PHACTR1: variants seen among roughly 807,000 people sequenced by gnomAD.
PHACTR1 encodes the protein RPEL repeat containing 1.
A neutral mutation model predicts 69.2 loss-of-function variants in PHACTR1; 16 were observed. The ratio of observed to expected loss-of-function variants is 0.23; its 90% CI spans 0.16 to 0.35. The LOEUF (loss-of-function observed/expected upper bound fraction) is 0.35, where lower values mean the gene tolerates loss of function less well. PHACTR1 is among the 10% of genes least tolerant of loss of function. PHACTR1 has a pLI of 1.00. For synonymous variants in PHACTR1, 312 were observed against 284.5 expected (o/e 1.10, Z -0.97); for missense variants, 510 against 734.7 (o/e 0.69, Z 3.54).
chr6:13,008,677 GCTGCA>G (rs1562127064), intron 4 of PHACTR1, among the ~76,000 whole-genome samples: 1 of 152,110 alleles, frequency 6.6e-6, no homozygotes, highest in Non-Finnish European at 1.5e-5. Context: ...TAGCAGCAGC[GCTGCA>G]CCATTCTGTG....
In PHACTR1 at chr6:12,736,939, G is replaced by A. The variant is rs116477523; in HGVS notation, c.104-12705G>A. Among the ~76,000 whole-genome samples, 246 of 151,784 alleles carry A rather than the reference G, an allele frequency of 1.6e-3. 1 individual carries two copies. The highest frequency in any genetic ancestry group is 5.5e-3 in the African/African-American group (229 of 41,388). On this transcript the variant is annotated intron_variant, in intron 3 of 14. Transcript: ENST00000332995. ...TGTGTGCGTATCTGTGTGTACATAC[G>A]CACATAAAATATATACACACATATA...
chr6:13,092,088 G>A (rs754126842), intron 5 of PHACTR1, among the ~76,000 whole-genome samples: 3 of 152,112 alleles, frequency 2.0e-5, no homozygotes, highest in Non-Finnish European at 4.4e-5. Context: ...ATGAGCCACC[G>A]CACCCAGCTG....
At chr6:12,793,928 G>A (rs1236102811) in intron 4 of PHACTR1, among the ~76,000 whole-genome samples, 1 of 152,134 alleles carries the variant, frequency 6.6e-6, no homozygotes, top group Admixed American at 6.5e-5. Context: ...AATCCAAAAA[G>A]CATTTATTAT....
chr6:13,212,674 C>T (rs1212250115), intron 8 of PHACTR1, among the ~76,000 whole-genome samples: 1 of 152,060 alleles, frequency 6.6e-6, no homozygotes, highest in Non-Finnish European at 1.5e-5. Context: ...TCTGTTGCTC[C>T]CTCCTCCCTC....
In PHACTR1 at chr6:12,850,813, C is replaced by A. The variant is rs566947412; in HGVS notation, c.250+101023C>A. On this transcript the variant is annotated intron_variant, in intron 4 of 14. Coordinates refer to ENST00000332995, the MANE Select transcript of PHACTR1 (RefSeq NM_030948.6). ...TGTGTCTTCACGCCCTCTTCCTGCA[C>A]GTGCCTCTGTGCCTCTTCTTCTCTC... Among the ~76,000 whole-genome samples, 5 of 152,248 alleles carry A rather than the reference C, an allele frequency of 3.3e-5. No individual in the cohort carries two copies. In the East Asian group the frequency reaches 7.7e-4, roughly 24 times the overall value.
intron 8 of PHACTR1, 87 bp from the exon 9 acceptor site, chr6:13,227,726 CTGG>C (rs1770026825): frequency 6.7e-7 from 1 of 1,497,430 alleles, no homozygotes; most frequent in East Asian, 2.3e-5. Context: ...TCTCTTAGGA[CTGG>C]GCAACTGAGT....
intron 4 of PHACTR1, among the ~76,000 whole-genome samples, chr6:12,948,049 G>T (rs141708774): frequency 6.6e-6 from 1 of 152,010 alleles, no homozygotes; most frequent in Non-Finnish European, 1.5e-5. Context: ...TTGTAGTTGC[G>T]CCATGAACCT....
intron 4 of PHACTR1, among the ~76,000 whole-genome samples, chr6:12,924,810 G>A (rs4714988): frequency 0.83 from 125,340 of 151,564 alleles, 55,040 homozygotes; most frequent in Non-Finnish European, 0.97. Context: ...ACTATAGTAA[G>A]TAATCATTTT....
intron 4 of PHACTR1, among the ~76,000 whole-genome samples, chr6:13,012,663 G>C (rs1799573563): frequency 6.6e-6 from 1 of 152,180 alleles, no homozygotes; most frequent in African/African-American, 2.4e-5. Flanking sequence ...AGAATATCTG[G>C]ATTTGGGGCT....
chr6:13,098,436 T>A (rs775902591), intron 5 of PHACTR1, among the ~76,000 whole-genome samples: 6 of 152,166 alleles, frequency 3.9e-5, no homozygotes, highest in Non-Finnish European at 8.8e-5. Flanking sequence ...TGGGACTCCC[T>A]CTTTTGAGGA....
chr6:12,748,702 T>G (rs1193547385), intron 3 of PHACTR1, among the ~76,000 whole-genome samples: 1 of 152,190 alleles, frequency 6.6e-6, no homozygotes, highest in Non-Finnish European at 1.5e-5. Context: ...GTTGCCAGGT[T>G]GTAGAGGCTA....
rs1036866170 is a variant in PHACTR1 at position 13,204,275 on chromosome 6, G to A, written c.665-1540G>A. Among the ~76,000 whole-genome samples the A allele has an allele frequency of 3.9e-5, 6 of 152,212 alleles. No individual in the cohort carries two copies. The East Asian group carries it at 1.2e-3, about 29-fold the overall frequency. ...TGCTCTAGGAATGTCATTTTGGCAGGACTGTAAGTTAGACTGGAGGAAGGC... is the reference window on the plus strand; with the variant it reads ...TGCTCTAGGAATGTCATTTTGGCAGAACTGTAAGTTAGACTGGAGGAAGGC... On this transcript the variant is annotated intron_variant, in intron 7 of 14. Coordinates refer to ENST00000332995, the MANE Select transcript of PHACTR1 (RefSeq NM_030948.6).
At chr6:12,933,194 C>T (rs963194511) in intron 4 of PHACTR1, among the ~76,000 whole-genome samples, 4 of 152,112 alleles carry the variant, frequency 2.6e-5, no homozygotes, top group Non-Finnish European at 5.9e-5. Flanking sequence ...CCCCCTGTCT[C>T]GCCCTCCCAA....
intron 9 of PHACTR1, among the ~76,000 whole-genome samples, chr6:13,229,055 A>G (rs1770319054): frequency 6.6e-6 from 1 of 152,222 alleles, no homozygotes; most frequent in South Asian, 2.1e-4. Context: ...GGAAAGAACC[A>G]CACAGGGCAG....
At chr6:13,003,951 C>A (rs7776310) in intron 4 of PHACTR1, among the ~76,000 whole-genome samples, 6,882 of 90,708 alleles carry the variant, frequency 0.076, 611 homozygotes, top group African/African-American at 0.21. Context: ...AGTAGTATTC[C>A]TATATATATA....
intron 4 of PHACTR1, among the ~76,000 whole-genome samples, chr6:12,854,812 G>A (rs1323959333): frequency 6.6e-6 from 1 of 152,112 alleles, no homozygotes. Context: ...TTGCATCAGA[G>A]AGATGCAAGC....
chr6:12,904,319 G>GTCA (rs1456505357), intron 4 of PHACTR1, among the ~76,000 whole-genome samples: 2 of 152,056 alleles, frequency 1.3e-5, no homozygotes, highest in African/African-American at 4.8e-5. Flanking sequence ...AGGCTCTGAG[G>GTCA]TCAGGAGTTC....
At chr6:13,206,164 G>C in intron 8 of PHACTR1, 28 bp downstream of exon 8, 1 of 1,517,450 alleles carries the variant, frequency 6.6e-7, no homozygotes, top group East Asian at 2.4e-5. Flanking sequence ...GAGGGAGGAC[G>C]GGAGGAGAGG....
At chr6:12,924,827 T>G (rs150311429) in intron 4 of PHACTR1, among the ~76,000 whole-genome samples, 37 of 152,128 alleles carry the variant, frequency 2.4e-4, no homozygotes, top group African/African-American at 7.9e-4. Context: ...TTTTTGGCAG[T>G]TGCTTACACT....
Sources: gnomAD v4.1 joint callset for allele counts (sites outside exome capture counted in the v4.1 genomes callset) on GRCh38, gnomAD v4.1.1 for gene constraint, MANE v1.5 for transcripts, NCBI Gene and HGNC (gene_info 2026-07-23, HGNC 2026-07-21) for gene names.